The following XKR6 variants were observed in gnomAD, a reference collection of about 807,000 sequenced individuals.
XKR6 encodes the protein XK related 6.
XKR6 carries 22 observed loss-of-function variants against 56.7 expected under a neutral mutation model. The observed-to-expected ratio is 0.39, with a 90% CI of 0.28 to 0.55. The LOEUF (loss-of-function observed/expected upper bound fraction) is 0.55, where lower values mean the gene tolerates loss of function less well. Ranked by LOEUF, XKR6 falls within the 20% of genes least tolerant of loss-of-function variation. The probability of loss-of-function intolerance (pLI) is 0.66; values close to 1 mark genes in which losing one functional copy is unlikely to be tolerated. For missense variants in XKR6, 852 were observed against 889.0 expected (o/e 0.96, Z 0.53); for synonymous variants, 524 against 387.8 (o/e 1.35, Z -4.13).
intron 1 of XKR6, among the ~76,000 whole-genome samples, chr8:11,054,023 T>A (rs1799619695): frequency 6.6e-6 from 1 of 152,222 alleles, no homozygotes; most frequent in Non-Finnish European, 1.5e-5. Flanking sequence ...CTTCTTTATA[T>A]TTCCTCTAAC....
chr8:10,976,181 A>G (rs972803033), intron 1 of XKR6, among the ~76,000 whole-genome samples: 4 of 143,766 alleles, frequency 2.8e-5, no homozygotes, highest in Non-Finnish European at 5.9e-5. Context: ...ATCTCAAGAA[A>G]AAAAAAAAGT....
intron 1 of XKR6, among the ~76,000 whole-genome samples, chr8:11,132,252 C>A (rs189095843): frequency 6.6e-6 from 1 of 152,156 alleles, no homozygotes; most frequent in African/African-American, 2.4e-5. Flanking sequence ...GAATGCATCA[C>A]AGTCACAGGT....
intron 1 of XKR6, chr8:11,066,824 G>A (rs543928148): frequency 7.9e-5 from 12 of 152,276 alleles, no homozygotes; most frequent in Middle Eastern, 6.8e-3. Context: ...CCTGCAACAG[G>A]CTGGGGGAAC....
intron 1 of XKR6, among the ~76,000 whole-genome samples, chr8:10,937,310 T>C (rs1563298482): frequency 7.0e-6 from 1 of 143,652 alleles, no homozygotes; most frequent in Admixed American, 7.0e-5. Context: ...TTCTAAATTT[T>C]TTTCAAAGTT....
chr8:10,988,665 C>G (rs537887392), intron 1 of XKR6, among the ~76,000 whole-genome samples: 16 of 152,328 alleles, frequency 1.1e-4, no homozygotes, highest in Non-Finnish European at 2.2e-4. Context: ...GACATGTCAC[C>G]TGCTCAGAGC....
intron 1 of XKR6, among the ~76,000 whole-genome samples, chr8:11,165,849 T>C (rs1802044389): frequency 6.6e-6 from 1 of 152,156 alleles, no homozygotes; most frequent in South Asian, 2.1e-4. Context: ...TACTGTGTCC[T>C]ATACTATATC....
intron 1 of XKR6, among the ~76,000 whole-genome samples, chr8:11,125,082 C>G (rs377673860): frequency 7.1e-6 from 1 of 140,740 alleles, no homozygotes; most frequent in Non-Finnish European, 1.5e-5. Context: ...GAGCAAGACT[C>G]TGTCTCAAAA....
chr8:10,967,108 T>G (rs1407684515), intron 1 of XKR6, among the ~76,000 whole-genome samples: 1 of 152,222 alleles, frequency 6.6e-6, no homozygotes, highest in Non-Finnish European at 1.5e-5. Flanking sequence ...CCCTGCGTCA[T>G]AGGTCTGCAT....
At chr8:11,075,011 G>C (rs763454273) in intron 1 of XKR6, among the ~76,000 whole-genome samples, 1 of 152,178 alleles carries the variant, frequency 6.6e-6, no homozygotes, top group African/African-American at 2.4e-5. Flanking sequence ...GGAGAGGAGA[G>C]GCTCTGAATG....
intron 1 of XKR6, among the ~76,000 whole-genome samples, chr8:11,110,100 G>GTACCT: frequency 6.6e-6 from 1 of 152,064 alleles, no homozygotes; most frequent in Non-Finnish European, 1.5e-5. Flanking sequence ...AGCCTCCTGA[G>GTACCT]TAGCTGGGAT....
At chr8:10,923,468 A>G (rs1800784687) in intron 2 of XKR6, among the ~76,000 whole-genome samples, 1 of 152,248 alleles carries the variant, frequency 6.6e-6, no homozygotes, top group African/African-American at 2.4e-5. Flanking sequence ...GTTCATAACC[A>G]GGTCCCCAGG....
chr8:11,019,247 C>T (rs1798695000), intron 1 of XKR6, among the ~76,000 whole-genome samples: 1 of 152,210 alleles, frequency 6.6e-6, no homozygotes, highest in Non-Finnish European at 1.5e-5. Flanking sequence ...TTGGCACTGA[C>T]CCACCCTCCC....
chr8:11,056,019 G>A (rs184863895), intron 1 of XKR6, among the ~76,000 whole-genome samples: 4 of 151,232 alleles, frequency 2.6e-5, no homozygotes, highest in Non-Finnish European at 4.4e-5. Flanking sequence ...CTTGGGTCTC[G>A]ATTCAGGATT....
intron 1 of XKR6, among the ~76,000 whole-genome samples, chr8:11,078,052 C>A (rs2898258): frequency 0.22 from 33,605 of 152,028 alleles, 4,126 homozygotes; most frequent in African/African-American, 0.32. Flanking sequence ...AAACCACTTC[C>A]GACAGTGGCG....
chr8:10,962,137 C>T (rs760804297), intron 1 of XKR6, among the ~76,000 whole-genome samples: 2 of 152,134 alleles, frequency 1.3e-5, no homozygotes, highest in Non-Finnish European at 2.9e-5. Flanking sequence ...GGAAATGGCC[C>T]CTCCTAGAAG....
intron 1 of XKR6, among the ~76,000 whole-genome samples, chr8:10,988,416 GT>G (rs1157641088): frequency 6.6e-6 from 1 of 152,174 alleles, no homozygotes; most frequent in African/African-American, 2.4e-5. Context: ...GCAACCTTTT[GT>G]TTTTTGTTCT....
At chr8:10,962,627 TG>T (rs946260486) in intron 1 of XKR6, among the ~76,000 whole-genome samples, 1 of 152,118 alleles carries the variant, frequency 6.6e-6, no homozygotes, top group Non-Finnish European at 1.5e-5. Context: ...GTTTTTGTTT[TG>T]TTTTTTTTTG....
intron 1 of XKR6, among the ~76,000 whole-genome samples, chr8:11,187,544 C>A (rs1399686489): frequency 6.6e-6 from 1 of 152,100 alleles, no homozygotes; most frequent in African/African-American, 2.4e-5. Context: ...AGTGGTTCTT[C>A]CCAGCATGTT....
At chr8:11,168,923 G>C (rs1406744972) in intron 1 of XKR6, among the ~76,000 whole-genome samples, 3 of 152,188 alleles carry the variant, frequency 2.0e-5, no homozygotes, top group Admixed American at 1.3e-4. Flanking sequence ...AGTGGGCTCT[G>C]TTGGGTTCCT....
Sources: allele counts gnomAD v4.1 joint callset (sites outside exome capture counted in the v4.1 genomes callset), GRCh38; gene constraint gnomAD v4.1.1; transcripts MANE v1.5; gene names NCBI Gene and HGNC (gene_info 2026-07-23, HGNC 2026-07-21).